Variants in MYO5B observed in about 807,000 individuals in gnomAD.
MYO5B encodes the protein myosin VB, also known as unconventional myosin-Vb.
In MYO5B, 143 loss-of-function variants were observed where a neutral mutation model predicts 229.3. The observed-to-expected ratio is 0.62, with a 90% confidence interval of 0.54 to 0.72. MYO5B has a LOEUF of 0.72. Among genes scored for constraint, MYO5B ranks in the 30% least tolerant of loss-of-function variants. MYO5B has a pLI of 0.00. For synonymous variants in MYO5B, 918 were observed against 885.2 expected, an observed-to-expected ratio of 1.04 and a Z score of -0.66; for missense variants, 2,321 against 2,331.0, an observed-to-expected ratio of 1.00 and a Z score of 0.09.
chr18:50,087,132 T>G (rs2031347031), intron 1 of MYO5B, among the ~76,000 whole-genome samples: 1 of 152,206 alleles, frequency 6.6e-6, no homozygotes, highest in South Asian at 2.1e-4. Context: ...ATTTCAGCTC[T>G]CTCTCAGTAT....
rs1000783989 is a variant in MYO5B, at chr18:49,878,973, T to C, written c.3248A>G (p.Asn1083Ser). The C allele has an allele frequency of 6.2e-7, 1 of 1,614,098 alleles. No homozygotes were observed. Among genetic ancestry groups the C allele is most frequent in the Non-Finnish European group, 8.5e-7 (1 of 1,179,998 alleles). Reference protein sequence around the residue: ...EYSQLEQRYDNLRDEMTIIKQ... With the variant: ...EYSQLEQRYDSLRDEMTIIKQ... ...TATGATGGTCATTTCATCCCGAAGG[T>C]TGTCGTATCTCTGCTCCAACTGTGA... The change falls in exon 24 of 40, where the codon AAC (asparagine) becomes AGC (serine). Residue 1083 changes from asparagine to serine, a missense_variant. Around this residue, in one of 2 missense-constraint regions of MYO5B, gnomAD observed 2,113 missense variants for 2,044.7 expected, o/e 1.03. Coordinates refer to ENST00000285039, the MANE Select transcript of MYO5B (RefSeq NM_001080467.3).
At chr18:49,877,625 T>C in intron 25 of MYO5B, 138 bp downstream of exon 25, 1 of 1,130,516 alleles carries the variant, frequency 8.8e-7, no homozygotes, top group Non-Finnish European at 1.3e-6. Context: ...GTCCAAGTGA[T>C]CCTGCTCTTG....
intron 2 of MYO5B, among the ~76,000 whole-genome samples, chr18:50,054,294 G>A (rs2030483963): frequency 6.6e-6 from 1 of 152,218 alleles, no homozygotes; most frequent in African/African-American, 2.4e-5. Context: ...TTGAACCCAG[G>A]AGTTTCAGGC....
chr18:50,076,353 T>C (rs2031077648), intron 1 of MYO5B, among the ~76,000 whole-genome samples: 2 of 152,024 alleles, frequency 1.3e-5, no homozygotes. Flanking sequence ...CCAAACACCC[T>C]GAGAGTAAGG....
chr18:49,931,056 G>A (rs2025185030), intron 16 of MYO5B, among the ~76,000 whole-genome samples: 1 of 152,180 alleles, frequency 6.6e-6, no homozygotes, highest in East Asian at 1.9e-4. Flanking sequence ...GAAGGGACGA[G>A]GAACAAATGC....
chr18:50,161,208 T>C (rs2032759765), intron 1 of MYO5B, among the ~76,000 whole-genome samples: 2 of 152,068 alleles, frequency 1.3e-5, no homozygotes, highest in South Asian at 4.1e-4. Flanking sequence ...ACATGGTGAA[T>C]CTCCACCTCT....
At chr18:49,929,678 C>A in intron 16 of MYO5B, 80 bp from the exon 17 acceptor site, 1 of 1,262,314 alleles carries the variant, frequency 7.9e-7, no homozygotes, top group Non-Finnish European at 1.1e-6. Flanking sequence ...AAAAAAGAAT[C>A]TTTTCCTGCA....
intron 10 of MYO5B, among the ~76,000 whole-genome samples, chr18:49,963,842 G>A (rs2025591236): frequency 6.6e-6 from 1 of 152,138 alleles, no homozygotes; most frequent in African/African-American, 2.4e-5. Flanking sequence ...TCAGGGCCGT[G>A]GTCTAGACCT....
intron 4 of MYO5B, among the ~76,000 whole-genome samples, chr18:50,009,559 G>T (rs556164799): frequency 4.6e-5 from 7 of 152,276 alleles, no homozygotes; most frequent in African/African-American, 1.7e-4. Flanking sequence ...CAGATTCGGG[G>T]AACGAAAGGT....
At chr18:49,930,089 T>C (rs1296443738) in intron 16 of MYO5B, among the ~76,000 whole-genome samples, 1 of 152,248 alleles carries the variant, frequency 6.6e-6, no homozygotes, top group East Asian at 1.9e-4. Context: ...GCTGGGTGTC[T>C]ACTTTGGGGC....
At chr18:49,929,860 C>T (rs2025170637) in intron 16 of MYO5B, among the ~76,000 whole-genome samples, 1 of 152,104 alleles carries the variant, frequency 6.6e-6, no homozygotes, top group Admixed American at 6.6e-5. Flanking sequence ...ACCTGGGATA[C>T]CCTTCTTCTT....
chr18:50,128,409 G>A (rs1372056204), intron 1 of MYO5B, among the ~76,000 whole-genome samples: 1 of 152,300 alleles, frequency 6.6e-6, no homozygotes, highest in African/African-American at 2.4e-5. Flanking sequence ...ACAGGTAGAT[G>A]GGGTGCCTGT....
chr18:49,941,296 A>ATGG (rs371390661), intron 14 of MYO5B, among the ~76,000 whole-genome samples: 2 of 152,132 alleles, frequency 1.3e-5, no homozygotes, highest in African/African-American at 4.8e-5. Flanking sequence ...GCACCAACCA[A>ATGG]TGATCTTAAG....
intron 4 of MYO5B, among the ~76,000 whole-genome samples, chr18:50,019,389 A>T (rs904208661): frequency 6.6e-6 from 1 of 151,944 alleles, no homozygotes; most frequent in Non-Finnish European, 1.5e-5. Flanking sequence ...ATCCAATCAC[A>T]CCTGTGCTGC....
At chr18:49,963,191 T>G (rs533201219) in intron 10 of MYO5B, among the ~76,000 whole-genome samples, 161 bp from the exon 11 acceptor site, 2 of 152,216 alleles carry the variant, frequency 1.3e-5, no homozygotes, top group South Asian at 4.1e-4. Flanking sequence ...AAGTTAGCAC[T>G]ACACAGAGCC....
intron 3 of MYO5B, among the ~76,000 whole-genome samples, chr18:50,037,870 C>T (rs1353624329): frequency 9.9e-5 from 15 of 151,922 alleles, no homozygotes; most frequent in African/African-American, 1.9e-4. Flanking sequence ...CCAGCCTGGG[C>T]GACAGAGTGA....
At chr18:50,083,423 C>T (rs2031263305) in intron 1 of MYO5B, among the ~76,000 whole-genome samples, 1 of 152,188 alleles carries the variant, frequency 6.6e-6, no homozygotes, top group Non-Finnish European at 1.5e-5. Context: ...GACATTCAGC[C>T]CGAATCCTGA....
intron 16 of MYO5B, among the ~76,000 whole-genome samples, chr18:49,933,356 T>C (rs2025215413): frequency 6.6e-6 from 1 of 152,244 alleles, no homozygotes; most frequent in African/African-American, 2.4e-5. Flanking sequence ...CAGCCACTTC[T>C]GTGGCATTGC....
chr18:50,058,058 G>GA (rs554807040), intron 1 of MYO5B, among the ~76,000 whole-genome samples: 109 of 152,154 alleles, frequency 7.2e-4, no homozygotes, highest in South Asian at 3.7e-3. Context: ...CACATAACAT[G>GA]AAAAAAATCA....
Sources: gnomAD v4.1 joint callset for allele counts (sites outside exome capture counted in the v4.1 genomes callset) on GRCh38, gnomAD v4.1.1 for gene constraint, gnomAD v4.1.1 regional missense constraint, MANE v1.5 for transcripts, NCBI Gene and HGNC (gene_info 2026-07-23, HGNC 2026-07-21) for gene names.